Variants in KAZN observed in about 807,000 individuals in gnomAD.
The protein encoded by KAZN is kazrin.
In KAZN, 40 loss-of-function variants were observed where a neutral mutation model predicts 87.4. The ratio of observed to expected loss-of-function variants is 0.46; its 90% CI spans 0.36 to 0.60. The LOEUF (loss-of-function observed/expected upper bound fraction) is 0.60, where lower values mean the gene tolerates loss of function less well. Among genes scored for constraint, KAZN ranks in the 20% least tolerant of loss-of-function variants. The pLI, the probability that KAZN is intolerant of heterozygous loss-of-function variation, is 0.00. For synonymous variants in KAZN, 466 were observed against 458.3 expected, an observed-to-expected ratio of 1.02 and a Z score of -0.22; for missense variants, 898 against 1,073.9, an observed-to-expected ratio of 0.84 and a Z score of 2.29.
At chr1:15,042,940 C>T (rs1010214055) in intron 3 of KAZN, among the ~76,000 whole-genome samples, 10 of 152,214 alleles carry the variant, frequency 6.6e-5, no homozygotes, top group Non-Finnish European at 1.2e-4. Context: ...CTCAAAAGGA[C>T]GCCTGTTGTT....
At chr1:14,969,862 G>T (rs985367805) in intron 2 of KAZN, among the ~76,000 whole-genome samples, 3 of 152,236 alleles carry the variant, frequency 2.0e-5, no homozygotes, top group Non-Finnish European at 2.9e-5. Flanking sequence ...CGCCCAGGCT[G>T]GAGTGCAGTG....
At chr1:14,777,533 C>T (rs970854593) in intron 1 of KAZN, among the ~76,000 whole-genome samples, 17 of 152,130 alleles carry the variant, frequency 1.1e-4, no homozygotes, top group Admixed American at 6.5e-5. Flanking sequence ...GCCCTCCTCA[C>T]CTCTCCAACT....
At chr1:14,592,584 G>A (rs1460602606) in intron 2 of KAZN, among the ~76,000 whole-genome samples, 2 of 152,166 alleles carry the variant, frequency 1.3e-5, no homozygotes, top group Admixed American at 6.5e-5. Context: ...CTTCATCTTC[G>A]CTTCGGGAAA....
In KAZN at chr1:15,094,128, C is replaced by G. The variant is rs1280508575; in HGVS notation, c.1223-52C>G. 6.4e-7 allele frequency: 1 copy of G among 1,565,422 alleles called. No homozygotes were observed. The highest frequency in any genetic ancestry group is 8.7e-7 in the Non-Finnish European group (1 of 1,147,850). ...TCCCGGGGGTATGGCCTGCCCAGCC[C>G]CTGCCCCCAGCAGCCTCGTCCCCCA... On this transcript the variant is annotated intron_variant, in intron 8 of 14. Coordinates refer to ENST00000376030, the MANE Select transcript of KAZN (RefSeq NM_201628.3). This position sits in a 1 kb window ranked among gnomAD's most constrained non-coding sequence, Gnocchi z 4.5.
At chr1:14,643,028 TG>T (rs1680524382) in intron 1 of KAZN, among the ~76,000 whole-genome samples, 1 of 152,224 alleles carries the variant, frequency 6.6e-6, no homozygotes. Flanking sequence ...CATAAACCCC[TG>T]TGTTCACACA....
At chr1:13,897,640 A>G (rs1456148053) in intron 1 of KAZN, among the ~76,000 whole-genome samples, 3 of 152,152 alleles carry the variant, frequency 2.0e-5, no homozygotes, top group African/African-American at 7.2e-5. Flanking sequence ...GGGTGGATGG[A>G]GCATTCCCTA....
At chr1:14,752,526 G>A (rs1007407514) in intron 1 of KAZN, among the ~76,000 whole-genome samples, 2 of 152,228 alleles carry the variant, frequency 1.3e-5, no homozygotes, top group Admixed American at 6.5e-5. Context: ...CAGATTCAAC[G>A]TCTGGTGAGG....
intron 2 of KAZN, among the ~76,000 whole-genome samples, chr1:14,348,108 T>A (rs2100930407): frequency 6.7e-6 from 1 of 149,068 alleles, no homozygotes; most frequent in South Asian, 2.1e-4. Context: ...TGGAGTGCAG[T>A]GGCATCATCT....
chr1:14,501,423 T>C (rs1487063257), intron 2 of KAZN, among the ~76,000 whole-genome samples: 1 of 152,144 alleles, frequency 6.6e-6, no homozygotes, highest in Non-Finnish European at 1.5e-5. Context: ...AGTTGTAAGA[T>C]ACAAGATCAA....
At chr1:15,074,307 G>T (rs1165575389) in intron 8 of KAZN, among the ~76,000 whole-genome samples, 1 of 152,218 alleles carries the variant, frequency 6.6e-6, no homozygotes, top group African/African-American at 2.4e-5. Flanking sequence ...GTTGAAATAG[G>T]TGTGAATGAC....
intron 2 of KAZN, among the ~76,000 whole-genome samples, chr1:14,367,283 G>A (rs1229890395): frequency 1.3e-5 from 2 of 152,060 alleles, no homozygotes; most frequent in Non-Finnish European, 2.9e-5. Flanking sequence ...GAGATGGAGC[G>A]AGAAGGTATT....
Position 15,099,550 on chromosome 1 carries a change from G to C in KAZN, c.1548-1993G>C, listed in dbSNP as rs1640955672. Among the ~76,000 whole-genome samples the C allele has an allele frequency of 2.6e-5, 4 of 152,126 alleles. No individual in the cohort carries two copies. The South Asian group carries it at 8.3e-4, about 32-fold the overall frequency. ...AGGGGCTGGCCGGGGAGGGGAATGG[G>C]GGGTGAAGAGCTCAGTGCCTCCAGG... is the stretch of plus-strand genomic sequence containing the variant. On this transcript the variant is annotated intron_variant, in intron 10 of 14. Transcript: ENST00000376030. The surrounding 1 kb of genome is among the most constrained non-coding windows in gnomAD (Gnocchi z 5.4).
intron 2 of KAZN, among the ~76,000 whole-genome samples, chr1:14,322,537 G>A (rs1011099822): frequency 1.7e-4 from 26 of 152,302 alleles, no homozygotes; most frequent in African/African-American, 6.3e-4. Context: ...TTGACTGCAA[G>A]TTTTATAGAA....
rs72647637 is a variant in KAZN, at chr1:14,637,180, G to A, written c.226+37957G>A. Among the ~76,000 whole-genome samples, 17 of 152,292 alleles carry A rather than the reference G, an allele frequency of 1.1e-4. No individual in the cohort carries two copies. In the East Asian group the frequency reaches 1.4e-3, roughly 12 times the overall value. On this transcript the variant is annotated intron_variant, in intron 1 of 14. Coordinates refer to ENST00000376030, the MANE Select transcript of KAZN (RefSeq NM_201628.3). ...AGTGAAAATGGAGCCAGAAAAACGC[G>A]TGCAGCAGCTCATCAGAAAGTGTAA... is the stretch of plus-strand genomic sequence containing the variant.
At chr1:14,701,801 C>T (rs1385513183) in intron 1 of KAZN, among the ~76,000 whole-genome samples, 1 of 151,796 alleles carries the variant, frequency 6.6e-6, no homozygotes, top group Non-Finnish European at 1.5e-5. Flanking sequence ...TGTCTCAAAA[C>T]AAACAAACAA....
intron 2 of KAZN, among the ~76,000 whole-genome samples, chr1:14,416,280 T>G (rs141145346): frequency 6.6e-6 from 1 of 152,316 alleles, no homozygotes; most frequent in East Asian, 1.9e-4. Flanking sequence ...TCTAGACATG[T>G]CTACAGAACA....
intron 1 of KAZN, among the ~76,000 whole-genome samples, chr1:14,774,794 A>ATTT (rs111908390): frequency 1.3e-4 from 19 of 151,878 alleles, no homozygotes; most frequent in African/African-American, 4.4e-4. Context: ...CCTTGAGCAG[A>ATTT]TTTTTTTATC....
intron 1 of KAZN, among the ~76,000 whole-genome samples, chr1:14,951,245 T>C (rs1485571489): frequency 1.3e-5 from 2 of 150,468 alleles, no homozygotes. Context: ...TGGCAAAGAC[T>C]CCCATCCCCT....
intron 1 of KAZN, among the ~76,000 whole-genome samples, chr1:14,093,456 G>A (rs1001571864): frequency 8.5e-5 from 13 of 152,150 alleles, no homozygotes; most frequent in African/African-American, 3.1e-4. Flanking sequence ...CTTTTTAATA[G>A]AATATGCTAA....
Sources: gnomAD v4.1 joint callset for allele counts (sites outside exome capture counted in the v4.1 genomes callset) on GRCh38, gnomAD v4.1.1 for gene constraint, Gnocchi (gnomAD v3.1) non-coding constraint, MANE v1.5 for transcripts, NCBI Gene and HGNC (gene_info 2026-07-23, HGNC 2026-07-21) for gene names.